ZPLD1: variants seen among roughly 807,000 people sequenced by gnomAD.
The protein encoded by ZPLD1 is zona pellucida like domain containing 1, also known as zona pellucida-like domain-containing protein 1.
Under a neutral mutation model 47.2 loss-of-function variants are expected in ZPLD1, and 34 were observed. The ratio of observed to expected loss-of-function variants is 0.72; its 90% confidence interval spans 0.55 to 0.96. The LOEUF (loss-of-function observed/expected upper bound fraction) is 0.96, where lower values mean the gene tolerates loss of function less well. Among genes scored for constraint, ZPLD1 ranks in the 40% least tolerant of loss-of-function variants. The pLI, the probability that ZPLD1 is intolerant of heterozygous loss-of-function variation, is 0.00. For missense variants in ZPLD1, 512 were observed against 505.8 expected (o/e 1.01, Z -0.12); for synonymous variants, 176 against 186.2 (o/e 0.95, Z 0.45).
chr3:102,474,981 A>T (rs910203964), intron 10 of ZPLD1, among the ~76,000 whole-genome samples: 2 of 151,744 alleles, frequency 1.3e-5, no homozygotes, highest in Admixed American at 6.6e-5. Context: ...CAGTGCTTTG[A>T]TTTTTTTTGT....
Position 102,477,562 on chromosome 3 carries a change from AGG to A in ZPLD1, c.1193_1194del (p.Arg398LysfsTer17). The A allele has an allele frequency of 2.5e-6, 4 of 1,613,778 alleles. No homozygotes were observed. Among genetic ancestry groups the A allele is most frequent in the Non-Finnish European group, 3.4e-6 (4 of 1,179,752 alleles). ...LLLCSLALLH[R>X]KGPTSLVLNG... ...TCTGTGCTCACTGGCCCTTCTGCAC[AGG>A]AAGGGACCCACAAGTTTAGTGTTGA... On this transcript the variant is annotated frameshift_variant, in exon 12 of 12. Coordinates refer to ENST00000466937, the MANE Select transcript of ZPLD1 (RefSeq NM_001329788.2). LOFTEE classifies it high-confidence loss of function.
At chr3:102,471,681 C>T (rs1035822621) in intron 10 of ZPLD1, among the ~76,000 whole-genome samples, 1 of 152,098 alleles carries the variant, frequency 6.6e-6, no homozygotes, top group South Asian at 2.1e-4. Flanking sequence ...AAACTAAGGC[C>T]GGAAAAACTG....
chr3:102,418,764 T>A (rs1022722624), intron 8 of ZPLD1, among the ~76,000 whole-genome samples: 3 of 152,098 alleles, frequency 2.0e-5, no homozygotes, highest in African/African-American at 7.2e-5. Flanking sequence ...ATATGATAAT[T>A]GAAAATAATT....
chr3:102,398,795 G>A (rs757714804), intron 7 of ZPLD1, among the ~76,000 whole-genome samples: 5 of 152,164 alleles, frequency 3.3e-5, no homozygotes, highest in Non-Finnish European at 7.4e-5. Context: ...TTGAAGGCAT[G>A]TCTATTGGAT....
At chr3:102,436,069 A>T (rs1432863768) in intron 1 of ZPLD1, among the ~76,000 whole-genome samples, 1 of 152,218 alleles carries the variant, frequency 6.6e-6, no homozygotes, top group Non-Finnish European at 1.5e-5. Flanking sequence ...TCCACCTCGT[A>T]TTCATTAAAA....
chr3:102,444,440 A>C (rs1408237029), intron 3 of ZPLD1, among the ~76,000 whole-genome samples: 1 of 152,204 alleles, frequency 6.6e-6, no homozygotes, highest in East Asian at 1.9e-4. Flanking sequence ...AAATATCAAT[A>C]CCCCTTTAGG....
At chr3:102,385,954 A>G (rs1225315836) in intron 6 of ZPLD1, among the ~76,000 whole-genome samples, 3 of 152,182 alleles carry the variant, frequency 2.0e-5, no homozygotes, top group Non-Finnish European at 2.9e-5. Context: ...AGAAATGTCA[A>G]CTTCAACCTC....
chr3:102,453,114 T>C lies in ZPLD1; in HGVS notation c.302T>C (p.Leu101Ser). 2 of 1,614,010 alleles carry C rather than the reference T, an allele frequency of 1.2e-6. No homozygotes were observed. The highest frequency in any genetic ancestry group is 1.7e-6 in the Non-Finnish European group (2 of 1,179,960). The change falls in exon 4 of 12, where the codon TTG becomes TCG. Residue 101 changes from leucine to serine, a missense_variant. Physicochemically the swap from Leu to Ser is moderately radical, Grantham distance 145. Coordinates refer to ENST00000466937, the MANE Select transcript of ZPLD1 (RefSeq NM_001329788.2). ...VVIFIINLST[L>S]EGCGNNLVVS... is the part of the protein sequence containing the mutation. ...ATTTTTATCATCAATCTCAGCACCT[T>C]GGAGGGCTGTGGAAACAACCTGGTG... is the stretch of plus-strand genomic sequence containing the variant.
intron 8 of ZPLD1, among the ~76,000 whole-genome samples, chr3:102,465,606 T>G (rs1444637830): frequency 6.6e-6 from 1 of 152,142 alleles, no homozygotes; most frequent in Non-Finnish European, 1.5e-5. Context: ...TTCCCAAACT[T>G]CTATAATCCT....
intron 6 of ZPLD1, among the ~76,000 whole-genome samples, chr3:102,458,198 T>TA (rs1370138134): frequency 1.7e-4 from 26 of 151,958 alleles, no homozygotes; most frequent in Admixed American, 5.3e-4. Context: ...GAAATATATA[T>TA]TTTTTTTATG....
At chr3:102,442,246 T>G (rs1490842732) in intron 3 of ZPLD1, among the ~76,000 whole-genome samples, 2 of 151,644 alleles carry the variant, frequency 1.3e-5, no homozygotes, top group Non-Finnish European at 2.9e-5. Flanking sequence ...CATTAGCACT[T>G]TAGGTACTAT....
At chr3:102,413,619 A>G (rs1459815264) in intron 7 of ZPLD1, among the ~76,000 whole-genome samples, 8 of 151,798 alleles carry the variant, frequency 5.3e-5, no homozygotes, top group Non-Finnish European at 1.2e-4. Flanking sequence ...GACATTCCCT[A>G]TAAATGGGCA....
intron 6 of ZPLD1, among the ~76,000 whole-genome samples, chr3:102,458,880 G>C (rs765296507): frequency 2.0e-5 from 3 of 152,012 alleles, no homozygotes; most frequent in Admixed American, 6.6e-5. Flanking sequence ...ACGAGGTCAG[G>C]AGATCGAGAC....
chr3:102,403,849 C>G (rs1355349645), intron 7 of ZPLD1, among the ~76,000 whole-genome samples: 2 of 151,824 alleles, frequency 1.3e-5, no homozygotes, highest in Non-Finnish European at 2.9e-5. Flanking sequence ...CTAACTTTGT[C>G]AAGCCCAACC....
chr3:102,467,872 C>G (rs949581303), intron 8 of ZPLD1, among the ~76,000 whole-genome samples: 2 of 151,440 alleles, frequency 1.3e-5, no homozygotes, highest in Admixed American at 1.3e-4. Flanking sequence ...CACACACACA[C>G]ACACGGAATG....
Position 102,435,066 on chromosome 3 carries a change from G to A in ZPLD1, c.-211G>A, listed in dbSNP as rs201695622. The A allele has an allele frequency of 4.4e-6, 7 of 1,607,996 alleles. No individual in the cohort carries two copies. Among genetic ancestry groups the A allele is most frequent in the Non-Finnish European group, 5.1e-6 (6 of 1,174,512 alleles). Reference sequence around the variant, plus strand: ...TCCCATACAATTCAATTTCAGAAAAGTATTTAGGGACTGTGCTAAAATAGC... The same window carrying A: ...TCCCATACAATTCAATTTCAGAAAAATATTTAGGGACTGTGCTAAAATAGC... On this transcript the variant is annotated 5_prime_UTR_variant, in exon 1 of 12. Transcript: ENST00000466937.
chr3:102,404,933 A>G (rs1005969874), intron 7 of ZPLD1, among the ~76,000 whole-genome samples: 13 of 151,982 alleles, frequency 8.6e-5, no homozygotes, highest in African/African-American at 2.2e-4. Flanking sequence ...TCTCAGAGAC[A>G]TTCCCCACAG....
chr3:102,474,951 C>T (rs1707736404), intron 10 of ZPLD1, among the ~76,000 whole-genome samples: 1 of 151,998 alleles, frequency 6.6e-6, no homozygotes, highest in African/African-American at 2.4e-5. Flanking sequence ...AAAATGTCTA[C>T]CTTCCCTTTC....
intron 7 of ZPLD1, among the ~76,000 whole-genome samples, chr3:102,407,539 G>C (rs1317154786): frequency 2.0e-5 from 3 of 148,462 alleles, no homozygotes; most frequent in African/African-American, 7.4e-5. Context: ...TCAGTAGAAA[G>C]CTACAATATT....
Sources: gnomAD v4.1 joint callset for allele counts (sites outside exome capture counted in the v4.1 genomes callset) on GRCh38, gnomAD v4.1.1 for gene constraint, MANE v1.5 for transcripts, NCBI Gene and HGNC (gene_info 2026-07-23, HGNC 2026-07-21) for gene names.